Variants in IGF1R observed in about 807,000 individuals in gnomAD.
IGF1R encodes the protein insulin like growth factor 1 receptor, also known as insulin-like growth factor 1 receptor.
In IGF1R, 44 loss-of-function variants were observed where a neutral mutation model predicts 144.6. The ratio of observed to expected loss-of-function variants is 0.30; its 90% CI spans 0.24 to 0.39. The LOEUF is 0.39. Among genes scored for constraint, IGF1R ranks in the 10% least tolerant of loss-of-function variants. IGF1R has a pLI of 1.00. For missense variants in IGF1R, 1,355 were observed against 1,833.7 expected (o/e 0.74, Z 4.77); for synonymous variants, 795 against 722.8 (o/e 1.10, Z -1.60).
At chr15:98,701,607 G>A (rs1414664653) in intron 1 of IGF1R, among the ~76,000 whole-genome samples, 1 of 151,996 alleles carries the variant, frequency 6.6e-6, no homozygotes, top group Non-Finnish European at 1.5e-5. Context: ...CCACAGTGCT[G>A]GTATTACAGG....
At position 98,682,349 on chromosome 15, in the gene IGF1R, C is replaced by T. The variant is rs78026422; in HGVS notation, c.95-25213C>T. On this transcript the variant is annotated intron_variant, in intron 1 of 20. Transcript: ENST00000650285. ...GTGAGCTAGTGTTCCTTTTAGGGCC[C>T]GTGGAGACCGACCTTCACATTGAAG... Among the ~76,000 whole-genome samples the T allele has an allele frequency of 4.6e-3, 697 of 152,104 alleles. 9 individuals carry two copies. Among genetic ancestry groups the T allele is most frequent in the African/African-American group, 0.016 (660 of 41,486 alleles).
At chr15:98,867,576 G>A (rs943280423) in intron 2 of IGF1R, among the ~76,000 whole-genome samples, 1 of 152,050 alleles carries the variant, frequency 6.6e-6, no homozygotes, top group Non-Finnish European at 1.5e-5. Context: ...CTTTTATGAC[G>A]TGAATCCTTA....
intron 11 of IGF1R, 180 bp from the exon 12 acceptor site, chr15:98,923,696 G>C: frequency 1.6e-6 from 1 of 622,992 alleles, no homozygotes. Context: ...CTCAGGGGCA[G>C]TGTACGTGGC....
intron 1 of IGF1R, among the ~76,000 whole-genome samples, chr15:98,661,911 T>A (rs557634365): frequency 6.7e-6 from 1 of 150,268 alleles, no homozygotes; most frequent in African/African-American, 2.4e-5. Flanking sequence ...CCTCCAGTCC[T>A]CCTTCCCCAC....
intron 2 of IGF1R, among the ~76,000 whole-genome samples, chr15:98,806,335 C>T (rs1371835479): frequency 1.3e-5 from 2 of 152,060 alleles, no homozygotes; most frequent in South Asian, 2.1e-4. Flanking sequence ...CTAAGCCAGC[C>T]GAGGGCGCAC....
intron 2 of IGF1R, among the ~76,000 whole-genome samples, chr15:98,875,924 C>T (rs1181834377): frequency 6.6e-6 from 1 of 152,126 alleles, no homozygotes; most frequent in Non-Finnish European, 1.5e-5. Flanking sequence ...GAAGGGAAAG[C>T]CCTTGAATTT....
intron 2 of IGF1R, among the ~76,000 whole-genome samples, chr15:98,842,375 T>C (rs2011189649): frequency 6.6e-6 from 1 of 152,214 alleles, no homozygotes; most frequent in East Asian, 1.9e-4. Flanking sequence ...AACAGGATCA[T>C]TGTGCTGCTG....
intron 1 of IGF1R, among the ~76,000 whole-genome samples, chr15:98,676,414 G>A (rs184956961): frequency 1.3e-5 from 2 of 152,128 alleles, no homozygotes; most frequent in Non-Finnish European, 2.9e-5. Flanking sequence ...AGGATTACAG[G>A]CGTGAGCCAC....
chr15:98,649,547 T>C lies in IGF1R; in HGVS notation c.-35T>C. 1.4e-6 allele frequency: 1 copy of C among 690,788 alleles called. No individual in the cohort carries two copies. The highest frequency in any genetic ancestry group is 2.2e-5 in the South Asian group (1 of 45,770). The allele number at this position is 690,788 out of a possible 1,614,324, so 42.8% of individuals were successfully genotyped here. A position where few individuals can be genotyped will look rare whatever the true frequency, so the allele number is the denominator to read the frequency against. On this transcript the variant is annotated 5_prime_UTR_variant, in exon 1 of 21. Coordinates refer to ENST00000650285, the MANE Select transcript of IGF1R (RefSeq NM_000875.5). ...TTTCTTTTTTTTTTTTTTTTTTTTTTTTGAGAAAGGGGAATTTCATCCCAA... is the reference window on the plus strand; with the variant it reads ...TTTCTTTTTTTTTTTTTTTTTTTTTCTTGAGAAAGGGGAATTTCATCCCAA...
intron 2 of IGF1R, among the ~76,000 whole-genome samples, chr15:98,733,788 A>C (rs191585812): frequency 6.6e-6 from 1 of 152,298 alleles, no homozygotes; most frequent in Admixed American, 6.5e-5. Context: ...TGGGATCCCA[A>C]ATAATCTACT....
intron 2 of IGF1R, among the ~76,000 whole-genome samples, chr15:98,855,188 G>C (rs1019717531): frequency 4.6e-5 from 7 of 152,186 alleles, no homozygotes; most frequent in Non-Finnish European, 7.3e-5. Flanking sequence ...AGCTTTCTCT[G>C]TGTCCCCCCA....
At chr15:98,752,713 C>G (rs1253601147) in intron 2 of IGF1R, among the ~76,000 whole-genome samples, 1 of 151,936 alleles carries the variant, frequency 6.6e-6, no homozygotes, top group Non-Finnish European at 1.5e-5. Flanking sequence ...GTATGTGAGC[C>G]TTATCCCCCA....
intron 2 of IGF1R, among the ~76,000 whole-genome samples, chr15:98,777,486 C>T (rs2055748145): frequency 6.6e-6 from 1 of 152,224 alleles, no homozygotes; most frequent in South Asian, 2.1e-4. Context: ...GCTCACCGAC[C>T]TCGGAAGTCT....
chr15:98,866,802 G>A (rs1458713604), intron 2 of IGF1R, among the ~76,000 whole-genome samples: 3 of 152,162 alleles, frequency 2.0e-5, no homozygotes, highest in Non-Finnish European at 4.4e-5. Context: ...CCATCATGTT[G>A]TTTTTAATGT....
chr15:98,669,175 C>T (rs888263598), intron 1 of IGF1R, among the ~76,000 whole-genome samples: 4 of 152,172 alleles, frequency 2.6e-5, no homozygotes, highest in African/African-American at 7.2e-5. Flanking sequence ...TCCACTGGCT[C>T]GGCTCCGTGC....
chr15:98,895,667 T>G (rs2151650296), intron 3 of IGF1R, among the ~76,000 whole-genome samples: 1 of 152,282 alleles, frequency 6.6e-6, no homozygotes, highest in East Asian at 1.9e-4. Context: ...CTGTTAGCTT[T>G]TAAACAAAAC....
In IGF1R at chr15:98,891,158, A is replaced by T. The variant is rs1386902136; in HGVS notation, c.641-167A>T. Among the ~76,000 whole-genome samples the T allele has an allele frequency of 1.3e-5, 2 of 152,182 alleles. No individual in the cohort carries two copies. The highest frequency in any genetic ancestry group is 2.9e-5 in the Non-Finnish European group (2 of 68,028). The stretch of plus-strand genomic sequence containing the variant: ...TCTGCAGGTCTAAGTGGATGAAAGG[A>T]CAGTGGTGGGGGTGAGGATTTCGTA... On this transcript the variant is annotated intron_variant, in intron 2 of 20. Coordinates refer to ENST00000650285, the MANE Select transcript of IGF1R (RefSeq NM_000875.5). The surrounding 1 kb of genome is among the most constrained non-coding windows in gnomAD (Gnocchi z 4.7).
intron 1 of IGF1R, among the ~76,000 whole-genome samples, chr15:98,685,352 T>G (rs1247449596): frequency 6.6e-6 from 1 of 152,178 alleles, no homozygotes. Flanking sequence ...GTTGAGTTCT[T>G]TAGATGCCTG....
At chr15:98,673,584 G>T (rs972973615) in intron 1 of IGF1R, among the ~76,000 whole-genome samples, 8 of 152,162 alleles carry the variant, frequency 5.3e-5, no homozygotes, top group African/African-American at 1.9e-4. Context: ...AAACACCTGT[G>T]CTTGCCTTGA....
Sources: gnomAD v4.1 joint callset for allele counts (sites outside exome capture counted in the v4.1 genomes callset) on GRCh38, gnomAD v4.1.1 for gene constraint, Gnocchi (gnomAD v3.1) non-coding constraint, MANE v1.5 for transcripts, NCBI Gene and HGNC (gene_info 2026-07-23, HGNC 2026-07-21) for gene names.